XYLT1: variants seen among roughly 807,000 people sequenced by gnomAD.
XYLT1 encodes the protein xylosyltransferase 1.
XYLT1 carries 36 observed loss-of-function variants against 91.3 expected under a neutral mutation model. The ratio of observed to expected loss-of-function variants is 0.39; its 90% CI spans 0.30 to 0.52. The LOEUF is 0.52. Ranked by LOEUF, XYLT1 falls within the 20% of genes least tolerant of loss-of-function variation. The pLI is 0.68. For missense variants in XYLT1, 1,242 were observed against 1,284.5 expected (o/e 0.97, Z 0.51); for synonymous variants, 588 against 532.0 (o/e 1.11, Z -1.45).
chr16:17,211,696 T>C (rs143750754), intron 3 of XYLT1, among the ~76,000 whole-genome samples: 11 of 152,302 alleles, frequency 7.2e-5, no homozygotes, highest in Non-Finnish European at 1.2e-4. Flanking sequence ...TCAAATACCA[T>C]GCTCTATGAC....
chr16:17,342,464 G>A (rs1280787306), intron 2 of XYLT1, among the ~76,000 whole-genome samples: 1 of 152,166 alleles, frequency 6.6e-6, no homozygotes, highest in African/African-American at 2.4e-5. Context: ...GCTCATGCCT[G>A]TAATCCCAGC....
At chr16:17,141,112 A>G in intron 7 of XYLT1, 41 bp downstream of exon 7, 1 of 1,597,918 alleles carries the variant, frequency 6.3e-7, no homozygotes, top group Non-Finnish European at 8.6e-7. Context: ...AGGCTAGAAC[A>G]AGCCCCTATC....
chr16:17,259,512 G>T lies in XYLT1; in HGVS notation c.403-14C>A. On this transcript the variant is annotated splice_polypyrimidine_tract_variant and intron_variant, in intron 2 of 11. Transcript: ENST00000261381. ...AAAGTAGCCATCCTGGAGAAGAGGGGAGAGAAACAGAAGAGAAACTTGACT... is the reference window on the plus strand; with the variant it reads ...AAAGTAGCCATCCTGGAGAAGAGGGTAGAGAAACAGAAGAGAAACTTGACT... 1 of 1,598,714 alleles carries T rather than the reference G, an allele frequency of 6.3e-7. No homozygotes were observed. Among genetic ancestry groups the T allele is most frequent in the Non-Finnish European group, 8.5e-7 (1 of 1,174,650 alleles).
intron 8 of XYLT1, among the ~76,000 whole-genome samples, chr16:17,136,117 G>T (rs1295512773): frequency 2.0e-5 from 3 of 152,138 alleles, no homozygotes; most frequent in Non-Finnish European, 2.9e-5. Context: ...CACACAATAC[G>T]CAGGGCAATG....
chr16:17,241,227 C>T (rs1205437006), intron 3 of XYLT1, among the ~76,000 whole-genome samples: 1 of 152,198 alleles, frequency 6.6e-6, no homozygotes, highest in East Asian at 1.9e-4. Flanking sequence ...GTTTCATGCA[C>T]CTAATGGTGC....
chr16:17,296,665 G>A (rs1321410801), intron 2 of XYLT1, among the ~76,000 whole-genome samples: 1 of 152,186 alleles, frequency 6.6e-6, no homozygotes, highest in Non-Finnish European at 1.5e-5. Context: ...GGACAAATCC[G>A]ATTTCTCCAG....
chr16:17,421,517 C>T (rs1481400110), intron 1 of XYLT1, among the ~76,000 whole-genome samples: 1 of 152,156 alleles, frequency 6.6e-6, no homozygotes, highest in Non-Finnish European at 1.5e-5. Context: ...CACCTTCCTG[C>T]CTGCTGGAGG....
At chr16:17,147,046 A>G (rs2031151361) in intron 6 of XYLT1, among the ~76,000 whole-genome samples, 1 of 152,180 alleles carries the variant, frequency 6.6e-6, no homozygotes, top group Admixed American at 6.5e-5. Flanking sequence ...GTGAAGTTAA[A>G]TCCCTATAGG....
chr16:17,218,214 C>A (rs2032897030), intron 3 of XYLT1, among the ~76,000 whole-genome samples: 2 of 152,012 alleles, frequency 1.3e-5, no homozygotes, highest in South Asian at 4.2e-4. Context: ...GCCAAAATCA[C>A]ACCACTGCGC....
At chr16:17,214,340 A>T (rs1453964872) in intron 3 of XYLT1, among the ~76,000 whole-genome samples, 1 of 152,186 alleles carries the variant, frequency 6.6e-6, no homozygotes, top group Non-Finnish European at 1.5e-5. Context: ...TAACCTCTCA[A>T]AGATTCTAGC....
chr16:17,346,123 T>C (rs1272362325), intron 2 of XYLT1, among the ~76,000 whole-genome samples: 1 of 152,140 alleles, frequency 6.6e-6, no homozygotes, highest in Non-Finnish European at 1.5e-5. Context: ...CTCTGACCAT[T>C]TTTTAAAGAA....
chr16:17,358,124 T>TC, intron 1 of XYLT1, 74 bp from the exon 2 acceptor site: 9 of 1,466,114 alleles, frequency 6.1e-6, no homozygotes, highest in South Asian at 2.5e-5. Context: ...TCTTTTTCTT[T>TC]CTTTCCTTTT....
intron 1 of XYLT1, among the ~76,000 whole-genome samples, chr16:17,418,732 C>T (rs1173614477): frequency 6.6e-6 from 1 of 152,008 alleles, no homozygotes; most frequent in Non-Finnish European, 1.5e-5. Context: ...CCTGTAGTCC[C>T]AGCTAGTTGG....
intron 5 of XYLT1, among the ~76,000 whole-genome samples, chr16:17,185,301 T>A (rs1288149278): frequency 6.6e-6 from 1 of 152,248 alleles, no homozygotes; most frequent in East Asian, 1.9e-4. Flanking sequence ...GTTAACGGCA[T>A]AATTACTGGC....
chr16:17,191,625 A>G (rs2032311955), intron 5 of XYLT1, among the ~76,000 whole-genome samples: 1 of 152,222 alleles, frequency 6.6e-6, no homozygotes, highest in Admixed American at 6.5e-5. Flanking sequence ...TCTGGGGGTT[A>G]GTCTTGCTCA....
chr16:17,271,333 G>C (rs539393151), intron 2 of XYLT1, among the ~76,000 whole-genome samples: 100 of 152,092 alleles, frequency 6.6e-4, no homozygotes, highest in Non-Finnish European at 1.0e-3. Flanking sequence ...CAGAGAGAGA[G>C]ACACACAGAG....
intron 3 of XYLT1, among the ~76,000 whole-genome samples, chr16:17,243,750 C>G (rs1228715524): frequency 1.3e-5 from 2 of 152,108 alleles, no homozygotes; most frequent in African/African-American, 4.8e-5. Context: ...ACTCTTCAGG[C>G]TGGGGAGAGG....
chr16:17,138,575 C>G (rs1183305246), intron 7 of XYLT1, 44 bp from the exon 8 acceptor site: 2 of 1,592,888 alleles, frequency 1.3e-6, no homozygotes, highest in Non-Finnish European at 1.7e-6. Flanking sequence ...CTCCCAGCCT[C>G]CCACAGATGA....
intron 4 of XYLT1, 70 bp from the exon 5 acceptor site, chr16:17,198,484 T>C: frequency 6.8e-7 from 1 of 1,464,904 alleles, no homozygotes; most frequent in Non-Finnish European, 9.3e-7. Context: ...CCCTCACCCC[T>C]GTCCCCTCTC....
Sources: allele counts gnomAD v4.1 joint callset (sites outside exome capture counted in the v4.1 genomes callset), GRCh38; gene constraint gnomAD v4.1.1; transcripts MANE v1.5; gene names NCBI Gene and HGNC (gene_info 2026-07-23, HGNC 2026-07-21).